DYNC1I1: variants seen among roughly 807,000 people sequenced by gnomAD.
DYNC1I1 encodes dynein cytoplasmic 1 intermediate chain 1, also known as cytoplasmic dynein 1 intermediate chain 1.
In DYNC1I1, 43 loss-of-function variants were observed where a neutral mutation model predicts 86.6. The ratio of observed to expected loss-of-function variants is 0.50; its 90% CI spans 0.39 to 0.64. The LOEUF (loss-of-function observed/expected upper bound fraction) is 0.64. Among genes scored for constraint, DYNC1I1 ranks in the 30% least tolerant of loss-of-function variants. The pLI is 0.00. For missense variants in DYNC1I1, 604 were observed against 788.8 expected, an observed-to-expected ratio of 0.77 and a Z score of 2.81; for synonymous variants, 262 against 283.7, an observed-to-expected ratio of 0.92 and a Z score of 0.77.
intron 15 of DYNC1I1, among the ~76,000 whole-genome samples, 181 bp from the exon 16 acceptor site, chr7:96,080,182 A>G (rs1395152653): frequency 1.3e-5 from 2 of 152,194 alleles, no homozygotes; most frequent in East Asian, 1.9e-4. Context: ...CTACCCCTTA[A>G]TTCAGTGGAG....
intron 10 of DYNC1I1, among the ~76,000 whole-genome samples, chr7:96,015,068 T>G (rs967026478): frequency 6.6e-6 from 1 of 152,138 alleles, no homozygotes; most frequent in Non-Finnish European, 1.5e-5. Context: ...AGACACATCA[T>G]CACAAGTCTA....
intron 6 of DYNC1I1, among the ~76,000 whole-genome samples, chr7:95,899,699 G>A (rs1231504466): frequency 6.6e-6 from 1 of 152,218 alleles, no homozygotes; most frequent in Non-Finnish European, 1.5e-5. Context: ...CATGTGGAGT[G>A]TGTTAGAAAC....
intron 7 of DYNC1I1, among the ~76,000 whole-genome samples, chr7:95,983,670 G>A (rs1793511808): frequency 1.3e-5 from 2 of 152,126 alleles, no homozygotes; most frequent in South Asian, 4.1e-4. Context: ...TGTGCTACAG[G>A]TGATAGTACC....
intron 1 of DYNC1I1, among the ~76,000 whole-genome samples, chr7:95,773,473 C>A (rs1035009000): frequency 6.6e-6 from 1 of 152,130 alleles, no homozygotes; most frequent in Non-Finnish European, 1.5e-5. Flanking sequence ...GTGATCCTGG[C>A]AGCGCTGATG....
At chr7:95,889,150 A>G (rs961298807) in intron 6 of DYNC1I1, among the ~76,000 whole-genome samples, 1 of 152,184 alleles carries the variant, frequency 6.6e-6, no homozygotes, top group Non-Finnish European at 1.5e-5. Flanking sequence ...ATGGCTGTAT[A>G]CTCAAAATTG....
intron 5 of DYNC1I1, among the ~76,000 whole-genome samples, chr7:95,828,787 T>A (rs921997465): frequency 6.6e-6 from 1 of 152,112 alleles, no homozygotes; most frequent in African/African-American, 2.4e-5. Flanking sequence ...CACAGACATA[T>A]CCTAGAAACT....
At chr7:96,019,300 C>T (rs1450122226) in intron 10 of DYNC1I1, among the ~76,000 whole-genome samples, 1 of 151,800 alleles carries the variant, frequency 6.6e-6, no homozygotes, top group Admixed American at 6.6e-5. Context: ...ATTTTATATC[C>T]TTTGACTAAT....
chr7:95,870,684 T>C (rs1790139912), intron 6 of DYNC1I1, among the ~76,000 whole-genome samples: 1 of 152,218 alleles, frequency 6.6e-6, no homozygotes, highest in Non-Finnish European at 1.5e-5. Flanking sequence ...ACCTTCTTTG[T>C]GTATGCCAGA....
chr7:95,905,557 C>T (rs1196495465), intron 6 of DYNC1I1, among the ~76,000 whole-genome samples: 1 of 152,146 alleles, frequency 6.6e-6, no homozygotes, highest in African/African-American at 2.4e-5. Flanking sequence ...CTTTCCTGAC[C>T]TATGTCTCAA....
chr7:95,794,817 TA>T (rs1482499008), intron 1 of DYNC1I1, among the ~76,000 whole-genome samples: 1 of 152,208 alleles, frequency 6.6e-6, no homozygotes, highest in Non-Finnish European at 1.5e-5. Flanking sequence ...AGAGTGATAC[TA>T]AAGGCTTAAT....
intron 4 of DYNC1I1, among the ~76,000 whole-genome samples, chr7:95,821,916 A>T (rs1052428311): frequency 3.3e-5 from 5 of 152,224 alleles, no homozygotes; most frequent in African/African-American, 1.2e-4. Context: ...TGCCTTCCAA[A>T]TATTTATTGA....
At chr7:96,088,769 T>C (rs1159534796) in intron 16 of DYNC1I1, among the ~76,000 whole-genome samples, 2 of 152,140 alleles carry the variant, frequency 1.3e-5, no homozygotes, top group Admixed American at 1.3e-4. Flanking sequence ...TGTGTAAATA[T>C]TTATACACCA....
At chr7:95,869,266 C>T (rs1483081294) in intron 5 of DYNC1I1, among the ~76,000 whole-genome samples, 2 of 152,102 alleles carry the variant, frequency 1.3e-5, no homozygotes, top group Admixed American at 6.5e-5. Flanking sequence ...ATGGTTAGGT[C>T]TGGAATGCTG....
At chr7:95,989,949 A>G (rs35700581) in intron 9 of DYNC1I1, among the ~76,000 whole-genome samples, 5,018 of 152,266 alleles carry the variant, frequency 0.033, 121 homozygotes, top group Middle Eastern at 0.095. Context: ...TGATATTAAG[A>G]AAGAAGAGAG....
At position 95,863,398 on chromosome 7, in the gene DYNC1I1, G is replaced by A. The variant is rs575173583; in HGVS notation, c.375-6485G>A. ...GGCACAGGATTTTTGAGAGGGTAACGAAAAGGTTGTGTAATTAGATAGTGG... is the reference window on the plus strand; with the variant it reads ...GGCACAGGATTTTTGAGAGGGTAACAAAAAGGTTGTGTAATTAGATAGTGG... On this transcript the variant is annotated intron_variant, in intron 5 of 16. Coordinates refer to ENST00000447467, the MANE Select transcript of DYNC1I1 (RefSeq NM_001135556.2). 6.6e-5 allele frequency among the ~76,000 whole-genome samples: 10 copies of A among 152,248 alleles called. No individual in the cohort carries two copies. In the East Asian group the frequency reaches 1.5e-3, roughly 23 times the overall value.
Position 96,075,965 on chromosome 7 carries a change from T to C in DYNC1I1, c.1510-92T>C, listed in dbSNP as rs1330528861. 15 of 1,518,154 alleles carry C rather than the reference T, an allele frequency of 9.9e-6. No individual in the cohort carries two copies. The East Asian group carries it at 3.4e-4, about 35-fold the overall frequency. 94.0% of individuals were successfully genotyped at this position (1,518,154 alleles called of 1,614,324 possible). A position where few individuals can be genotyped will look rare whatever the true frequency, so the allele number is the denominator to read the frequency against. On this transcript the variant is annotated intron_variant, in intron 14 of 16. Transcript: ENST00000447467. ...TTCATCTCGGGAAGTTTTATGACAC[T>C]TTGTGAATGTGCAAAGTTTTTAATT...
chr7:95,975,366 T>C (rs1793277056), intron 6 of DYNC1I1, among the ~76,000 whole-genome samples: 1 of 152,202 alleles, frequency 6.6e-6, no homozygotes, highest in African/African-American at 2.4e-5. Flanking sequence ...TTCTGAGGAC[T>C]GTGAGGAAGA....
chr7:95,987,544 C>T (rs1793626587), intron 9 of DYNC1I1, among the ~76,000 whole-genome samples: 1 of 152,174 alleles, frequency 6.6e-6, no homozygotes, highest in Non-Finnish European at 1.5e-5. Flanking sequence ...CTACTCCTCT[C>T]TACTGTCTCC....
intron 14 of DYNC1I1, among the ~76,000 whole-genome samples, chr7:96,059,818 G>C (rs546898046): frequency 6.6e-6 from 1 of 152,182 alleles, no homozygotes; most frequent in African/African-American, 2.4e-5. Context: ...TGAGGAACAG[G>C]ACAGAGGTCT....
Sources: allele counts gnomAD v4.1 joint callset (sites outside exome capture counted in the v4.1 genomes callset), GRCh38; gene constraint gnomAD v4.1.1; transcripts MANE v1.5; gene names NCBI Gene and HGNC (gene_info 2026-07-23, HGNC 2026-07-21).